Variants in DDX31 observed in about 807,000 individuals in gnomAD.
DDX31 encodes the protein ATP-dependent DNA helicase DDX31.
A neutral mutation model predicts 91.3 loss-of-function variants in DDX31; 70 were observed. That is an observed-to-expected ratio of 0.77 (90% CI 0.63 to 0.94). The LOEUF is 0.94. DDX31 is among the 40% of genes least tolerant of loss of function. The pLI, the probability that DDX31 is intolerant of heterozygous loss-of-function variation, is 0.00. For missense variants in DDX31, 902 were observed against 925.0 expected (o/e 0.98, Z 0.32); for synonymous variants, 362 against 350.6 (o/e 1.03, Z -0.36).
At chr9:132,649,603 G>T (rs1027974238) in intron 9 of DDX31, among the ~76,000 whole-genome samples, 1 of 152,136 alleles carries the variant, frequency 6.6e-6, no homozygotes, top group Non-Finnish European at 1.5e-5. Flanking sequence ...TGTTATTATT[G>T]TTGTTATTCA....
chr9:132,607,949 T>C (rs1032544183), intron 19 of DDX31, among the ~76,000 whole-genome samples: 2 of 152,218 alleles, frequency 1.3e-5, no homozygotes, highest in African/African-American at 4.8e-5. Flanking sequence ...TCTGACACGT[T>C]CTACTTGTGT....
chr9:132,598,979 G>A (rs935067540), intron 19 of DDX31, among the ~76,000 whole-genome samples: 15 of 152,156 alleles, frequency 9.9e-5, no homozygotes, highest in African/African-American at 2.4e-4. Context: ...GTCTTGAAAC[G>A]CTCCTCTAGA....
intron 17 of DDX31, among the ~76,000 whole-genome samples, chr9:132,622,987 C>G (rs150559838): frequency 6.6e-6 from 1 of 151,792 alleles, no homozygotes; most frequent in Admixed American, 6.6e-5. Flanking sequence ...AAAAGTTAGC[C>G]GGGCATGGTG....
intron 6 of DDX31, among the ~76,000 whole-genome samples, chr9:132,653,667 T>A (rs530710404): frequency 6.6e-6 from 1 of 152,048 alleles, no homozygotes; most frequent in South Asian, 2.1e-4. Context: ...AAGTAAATTT[T>A]GAATAAATGG....
chr9:132,604,119 G>C (rs1830874068), intron 19 of DDX31, among the ~76,000 whole-genome samples: 1 of 152,182 alleles, frequency 6.6e-6, no homozygotes, highest in Non-Finnish European at 1.5e-5. Context: ...GTGCTGAGAG[G>C]GGAAGGGCAG....
chr9:132,595,067 T>A lies in DDX31; in HGVS notation c.2040A>T (p.Glu680Asp). The change falls in exon 20 of 20, where the codon GAA becomes GAT. Residue 680 changes from glutamate to aspartate, a missense_variant. Coordinates refer to ENST00000372159, the MANE Select transcript of DDX31 (RefSeq NM_022779.9). This position sits in a 1 kb window ranked among gnomAD's most constrained non-coding sequence, Gnocchi z 4.6. Reference protein sequence around the residue: ...KKTQSKHSLAEILRSEYSSGM... With the variant: ...KKTQSKHSLADILRSEYSSGM... The stretch of plus-strand genomic sequence containing the variant: ...CGCTTGAGTATTCCGAACGTAGGAT[T>A]TCAGCGAGGCTGTGTTTACTCTGGG... The A allele has an allele frequency of 1.2e-6, 2 of 1,614,230 alleles. No homozygotes were observed. The highest frequency in any genetic ancestry group is 1.7e-6 in the Non-Finnish European group (2 of 1,180,048).
chr9:132,603,175 C>G (rs1005696086), intron 19 of DDX31, among the ~76,000 whole-genome samples: 1 of 152,234 alleles, frequency 6.6e-6, no homozygotes, highest in Non-Finnish European at 1.5e-5. Context: ...CCGCCACGAG[C>G]ACTTAAAACT....
intron 18 of DDX31, among the ~76,000 whole-genome samples, chr9:132,615,360 A>C (rs956505006): frequency 1.3e-5 from 2 of 151,406 alleles, no homozygotes; most frequent in African/African-American, 4.9e-5. Context: ...CCCCACCTCC[A>C]CTCCCACAAG....
intron 19 of DDX31, among the ~76,000 whole-genome samples, chr9:132,609,146 G>A (rs1831186027): frequency 6.6e-6 from 1 of 152,102 alleles, no homozygotes; most frequent in African/African-American, 2.4e-5. Flanking sequence ...GTGGGGACAT[G>A]GCAAGAACAG....
chr9:132,616,511 G>A (rs1004577696), intron 18 of DDX31, among the ~76,000 whole-genome samples: 5 of 152,128 alleles, frequency 3.3e-5, no homozygotes, highest in Non-Finnish European at 4.4e-5. Flanking sequence ...CACCAAAATC[G>A]AAGGTGACAG....
At chr9:132,621,832 A>G (rs1388358508) in intron 17 of DDX31, among the ~76,000 whole-genome samples, 2 of 152,226 alleles carry the variant, frequency 1.3e-5, no homozygotes, top group East Asian at 1.9e-4. Context: ...TTAGTAACAC[A>G]GTCAATTTAG....
intron 4 of DDX31, 32 bp downstream of exon 4, chr9:132,661,176 C>G (rs1180060107): frequency 1.9e-6 from 3 of 1,598,270 alleles, no homozygotes; most frequent in Non-Finnish European, 2.6e-6. Context: ...CACGTAATGC[C>G]TAAGAAATCA....
At chr9:132,651,535 G>T (rs1192413474) in intron 7 of DDX31, among the ~76,000 whole-genome samples, 1 of 152,150 alleles carries the variant, frequency 6.6e-6, no homozygotes, top group Non-Finnish European at 1.5e-5. Flanking sequence ...GTAGCCTCTG[G>T]GAACTTCGCT....
intron 17 of DDX31, among the ~76,000 whole-genome samples, chr9:132,623,516 G>A (rs1346997464): frequency 2.4e-5 from 3 of 127,372 alleles, no homozygotes; most frequent in Non-Finnish European, 4.7e-5. Flanking sequence ...TCGTGCCACT[G>A]TACTCCAGCC....
intron 17 of DDX31, among the ~76,000 whole-genome samples, chr9:132,624,734 C>T (rs928599990): frequency 6.6e-6 from 1 of 152,170 alleles, no homozygotes; most frequent in Non-Finnish European, 1.5e-5. Flanking sequence ...GTTGGGAACA[C>T]ACACTTTGCT....
At chr9:132,628,797 T>C (rs1832551241) in intron 16 of DDX31, among the ~76,000 whole-genome samples, 1 of 152,174 alleles carries the variant, frequency 6.6e-6, no homozygotes, top group East Asian at 1.9e-4. Context: ...GGAAAAGAAG[T>C]GTGAAGCGAC....
intron 16 of DDX31, 42 bp downstream of exon 16, chr9:132,630,222 T>G (rs919077552): frequency 6.6e-7 from 1 of 1,521,208 alleles, no homozygotes; most frequent in African/African-American, 1.4e-5. Context: ...GAAAGTTAAT[T>G]AGGTGAGACC....
chr9:132,667,749 G>C (rs966533312), intron 1 of DDX31, among the ~76,000 whole-genome samples: 4 of 152,050 alleles, frequency 2.6e-5, no homozygotes, highest in Admixed American at 1.3e-4. Context: ...TTATGTGTTA[G>C]TTACCAGGCT....
chr9:132,631,219 G>A (rs1259195795), intron 15 of DDX31, among the ~76,000 whole-genome samples: 2 of 152,144 alleles, frequency 1.3e-5, no homozygotes, highest in South Asian at 4.1e-4. Flanking sequence ...TGAGGGCCAA[G>A]GTCAATATAA....
Sources: allele counts gnomAD v4.1 joint callset (sites outside exome capture counted in the v4.1 genomes callset), GRCh38; gene constraint gnomAD v4.1.1; non-coding constraint Gnocchi (gnomAD v3.1); transcripts MANE v1.5; gene names NCBI Gene and HGNC (gene_info 2026-07-23, HGNC 2026-07-21).